The following SLC24A2 variants were observed in gnomAD, a reference collection of about 807,000 sequenced individuals.
SLC24A2 encodes sodium/potassium/calcium exchanger 2.
In SLC24A2, 36 loss-of-function variants were observed where a neutral mutation model predicts 62.0. The ratio of observed to expected loss-of-function variants is 0.58; its 90% CI spans 0.44 to 0.77. SLC24A2 has a LOEUF of 0.77. SLC24A2 is among the 30% of genes least tolerant of loss of function. SLC24A2 has a pLI of 0.00. For synonymous variants in SLC24A2, 358 were observed against 294.0 expected (o/e 1.22, Z -2.23); for missense variants, 846 against 817.9 (o/e 1.03, Z -0.42).
chr9:19,890,109 T>C, the SLC24A2 span, among the ~76,000 whole-genome samples: 4 of 152,218 alleles, frequency 2.6e-5, no homozygotes, highest in African/African-American at 9.7e-5. Context: ...CGTCTCTTTC[T>C]CTATCATAAT....
At chr9:19,566,297 T>G (rs10811209) in intron 7 of SLC24A2, among the ~76,000 whole-genome samples, 3 of 136,910 alleles carry the variant, frequency 2.2e-5, no homozygotes, top group Non-Finnish European at 4.9e-5. Flanking sequence ...AAAAAGTGGG[T>G]GAAGGATATG....
intron 7 of SLC24A2, among the ~76,000 whole-genome samples, chr9:19,567,926 T>C (rs1215692529): frequency 6.6e-6 from 1 of 152,158 alleles, no homozygotes; most frequent in Non-Finnish European, 1.5e-5. Context: ...CGGTAAAGAC[T>C]GTATGGCAGA....
At chr9:20,126,891 T>C in the SLC24A2 span, among the ~76,000 whole-genome samples, 11 of 152,240 alleles carry the variant, frequency 7.2e-5, no homozygotes, top group Non-Finnish European at 1.3e-4. Context: ...TATATCATAT[T>C]TTTAGGAAGA....
the SLC24A2 span, among the ~76,000 whole-genome samples, chr9:20,023,469 C>T: frequency 3.3e-5 from 5 of 152,142 alleles, no homozygotes; most frequent in Admixed American, 2.0e-4. Flanking sequence ...GGAAAGTGCA[C>T]AATCTTTGTA....
At chr9:20,092,925 G>A in the SLC24A2 span, among the ~76,000 whole-genome samples, 7 of 152,180 alleles carry the variant, frequency 4.6e-5, no homozygotes, top group African/African-American at 1.4e-4. Context: ...GGTGAATAAG[G>A]TGATATATGG....
At chr9:19,992,864 C>T in the SLC24A2 span, among the ~76,000 whole-genome samples, 1 of 152,218 alleles carries the variant, frequency 6.6e-6, no homozygotes, top group Admixed American at 6.5e-5. Flanking sequence ...TTCCTGGGAA[C>T]CGCAGGACAA....
At chr9:19,847,691 G>A in the SLC24A2 span, among the ~76,000 whole-genome samples, 8 of 152,134 alleles carry the variant, frequency 5.3e-5, no homozygotes, top group East Asian at 1.2e-3. Context: ...CCGCACTGGA[G>A]GTAGTTTACC....
In SLC24A2 at chr9:19,516,626, G is replaced by GAGA. The variant is rs369537626; in HGVS notation, c.1737-227_1737-225dup. Among the ~76,000 whole-genome samples the GAGA allele has an allele frequency of 3.8e-3, 571 of 152,254 alleles. 5 individuals are homozygous for GAGA. The highest frequency in any genetic ancestry group is 0.013 in the African/African-American group (547 of 41,530). ...ATGTCCTGACTGAATTCAGAACAGG[G>GAGA]AGAACAGTTAGACAACATCAAAGAC... is the stretch of plus-strand genomic sequence containing the variant. On this transcript the variant is annotated intron_variant, in intron 10 of 10. Transcript: ENST00000341998.
chr9:20,107,086 C>T, the SLC24A2 span, among the ~76,000 whole-genome samples: 1 of 152,150 alleles, frequency 6.6e-6, no homozygotes, highest in African/African-American at 2.4e-5. Flanking sequence ...AGTGAATTCC[C>T]ATTCACAATT....
chr9:19,666,195 C>A (rs1819247425), intron 2 of SLC24A2, among the ~76,000 whole-genome samples: 2 of 152,008 alleles, frequency 1.3e-5, no homozygotes. Flanking sequence ...CGCTTGAGCC[C>A]AGGAGTTGAG....
Position 19,786,917 on chromosome 9 carries a change from A to G in SLC24A2, c.-51T>C. ...ATCTTCCAACTTTAGACTCAACCAG[A>G]TGGTTCTTTCATACTTTTCCTTACT... On this transcript the variant is annotated 5_prime_UTR_variant, in exon 2 of 11. Transcript: ENST00000341998. The surrounding 1 kb of genome is among the most constrained non-coding windows in gnomAD (Gnocchi z 5.0). The G allele has an allele frequency of 6.3e-7, 1 of 1,594,424 alleles. No homozygotes were observed. Among genetic ancestry groups the G allele is most frequent in the Non-Finnish European group, 8.5e-7 (1 of 1,176,630 alleles).
In SLC24A2 at chr9:19,550,241, G is replaced by C; in HGVS notation, c.1375C>G (p.Leu459Val). 1 of 1,614,154 alleles carries C rather than the reference G, an allele frequency of 6.2e-7. No individual in the cohort carries two copies. The highest frequency in any genetic ancestry group is 2.2e-5 in the East Asian group (1 of 44,872). The change falls in exon 8 of 11, where the codon CTC becomes GTC. Residue 459 changes from leucine to valine, a missense_variant. Coordinates refer to ENST00000341998, the MANE Select transcript of SLC24A2 (RefSeq NM_020344.4). ...GTTTCAGAAGGCCAGGCAAGGCTGAGAGGCTGGTCCTCCTCCTCATCAGCG... is the reference window on the plus strand; with the variant it reads ...GTTTCAGAAGGCCAGGCAAGGCTGACAGGCTGGTCCTCCTCCTCATCAGCG... ...QTADEEEDQP[L>V]SLAWPSETRK... is the part of the protein sequence containing the mutation.
the SLC24A2 span, among the ~76,000 whole-genome samples, chr9:19,896,809 C>A: frequency 6.6e-6 from 1 of 152,074 alleles, no homozygotes; most frequent in African/African-American, 2.4e-5. Flanking sequence ...AAAAGGGGAA[C>A]AACATTAATT....
At chr9:19,730,930 T>C (rs1821316500) in intron 2 of SLC24A2, among the ~76,000 whole-genome samples, 1 of 152,076 alleles carries the variant, frequency 6.6e-6, no homozygotes, top group Non-Finnish European at 1.5e-5. Flanking sequence ...GAAAAAAAGA[T>C]ATTCATCTTT....
chr9:20,228,811 G>T, the SLC24A2 span, among the ~76,000 whole-genome samples: 2 of 152,088 alleles, frequency 1.3e-5, no homozygotes, highest in South Asian at 4.2e-4. Flanking sequence ...AGAAGAGGCC[G>T]GAGCTCCCAG....
intron 2 of SLC24A2, among the ~76,000 whole-genome samples, chr9:19,713,457 T>C (rs1820771182): frequency 6.6e-6 from 1 of 152,218 alleles, no homozygotes; most frequent in African/African-American, 2.4e-5. Context: ...AAATAAATTA[T>C]AATTTTAAAT....
At chr9:19,893,364 T>C in the SLC24A2 span, among the ~76,000 whole-genome samples, 1 of 152,186 alleles carries the variant, frequency 6.6e-6, no homozygotes, top group Non-Finnish European at 1.5e-5. Flanking sequence ...ATGTTCCATA[T>C]AGTTCCTGGG....
At position 19,511,484 on chromosome 9, in the gene SLC24A2, G is replaced by A. The variant is rs891363535; in HGVS notation, c.*4669C>T. 2 of 152,130 alleles carry A rather than the reference G, an allele frequency of 1.3e-5. No individual in the cohort carries two copies. The highest frequency in any genetic ancestry group is 2.4e-5 in the African/African-American group (1 of 41,430). 9.4% of individuals were successfully genotyped at this position (152,130 alleles called of 1,614,324 possible). ...ACTACATAGGGATATATTTCCACGT[G>A]ACACTTGTTTTCTTGGAATCCTAGG... On this transcript the variant is annotated 3_prime_UTR_variant, in exon 11 of 11. Transcript: ENST00000341998.
At chr9:20,188,709 G>GAGA in the SLC24A2 span, among the ~76,000 whole-genome samples, 2 of 152,076 alleles carry the variant, frequency 1.3e-5, no homozygotes, top group African/African-American at 4.8e-5. Context: ...AGGATGACGG[G>GAGA]AGAAGAAGCC....
Sources: allele counts gnomAD v4.1 joint callset (sites outside exome capture counted in the v4.1 genomes callset), GRCh38; gene constraint gnomAD v4.1.1; non-coding constraint Gnocchi (gnomAD v3.1); transcripts MANE v1.5; gene names NCBI Gene and HGNC (gene_info 2026-07-23, HGNC 2026-07-21).